Variants in CIB4 observed in about 807,000 individuals in gnomAD.
CIB4 encodes calcium and integrin binding family member 4.
In CIB4, 25 loss-of-function variants were observed where a neutral mutation model predicts 25.8. The observed-to-expected ratio is 0.97, with a 90% CI of 0.71 to 1.35. The LOEUF is 1.35. Among genes scored for constraint, CIB4 ranks in the 40% most tolerant of loss-of-function variants. The pLI is 0.00. For synonymous variants in CIB4, 75 were observed against 81.4 expected (o/e 0.92, Z 0.42); for missense variants, 235 against 228.2 (o/e 1.03, Z -0.19).
rs373631447 is a variant in CIB4, at chr2:26,620,442, G to A, written c.186+8968C>T. ...CATCCCCAGCCCCTGCAAAAGACGG[G>A]AGTTTGTTCTCTGGGGAGAGTATAG... On this transcript the variant is annotated intron_variant, in intron 3 of 6. Coordinates refer to ENST00000288861, the MANE Select transcript of CIB4 (RefSeq NM_001029881.3). Among the ~76,000 whole-genome samples, 19 of 152,356 alleles carry A rather than the reference G, an allele frequency of 1.2e-4. 1 individual carries two copies. In the South Asian group the frequency reaches 3.9e-3, roughly 32 times the overall value.
chr2:26,610,534 T>C (rs376941708), intron 3 of CIB4, among the ~76,000 whole-genome samples: 19 of 152,334 alleles, frequency 1.2e-4, no homozygotes, highest in Non-Finnish European at 2.4e-4. Context: ...CTGGGGACTT[T>C]GCCCCAATAG....
At position 26,609,957 on chromosome 2, in the gene CIB4, G is replaced by A. The variant is rs1668965889; in HGVS notation, c.187-14640C>T. On this transcript the variant is annotated intron_variant, in intron 3 of 6. Coordinates refer to ENST00000288861, the MANE Select transcript of CIB4 (RefSeq NM_001029881.3). ...TAACAGGATGAAGTCACCCACTCAAGGGCAGACCAGGCAGCGGAAGCTTAG... is the reference window on the plus strand; with the variant it reads ...TAACAGGATGAAGTCACCCACTCAAAGGCAGACCAGGCAGCGGAAGCTTAG... 2.0e-5 allele frequency among the ~76,000 whole-genome samples: 3 copies of A among 152,306 alleles called. No individual in the cohort carries two copies. In the South Asian group the frequency reaches 6.2e-4, roughly 32 times the overall value.
chr2:26,608,081 T>C (rs1223792302), intron 3 of CIB4, among the ~76,000 whole-genome samples: 2 of 152,024 alleles, frequency 1.3e-5, no homozygotes, highest in Admixed American at 6.5e-5. Flanking sequence ...TTACTAAAAA[T>C]ACAAAACTTA....
At chr2:26,628,596 C>A (rs1275956) in intron 3 of CIB4, among the ~76,000 whole-genome samples, 3 of 152,008 alleles carry the variant, frequency 2.0e-5, no homozygotes, top group African/African-American at 7.2e-5. Context: ...CCAGGCAGCG[C>A]TGGCTGAATT....
intron 4 of CIB4, among the ~76,000 whole-genome samples, chr2:26,589,418 T>C (rs1014831425): frequency 6.6e-6 from 1 of 152,024 alleles, no homozygotes; most frequent in Non-Finnish European, 1.5e-5. Context: ...GCCTGACAAG[T>C]TCAAGTGATT....
chr2:26,608,111 G>T (rs555468756), intron 3 of CIB4, among the ~76,000 whole-genome samples: 18 of 152,326 alleles, frequency 1.2e-4, no homozygotes, highest in Non-Finnish European at 2.1e-4. Flanking sequence ...GGTGGCGCAT[G>T]CCTGTAATCT....
At chr2:26,623,563 GA>G in intron 3 of CIB4, 1 of 471,450 alleles carries the variant, frequency 2.1e-6, no homozygotes, top group Non-Finnish European at 4.4e-6. Flanking sequence ...GAGATACATA[GA>G]AACCGAGATG....
intron 3 of CIB4, among the ~76,000 whole-genome samples, chr2:26,626,438 A>G (rs1669307567): frequency 6.6e-6 from 1 of 151,888 alleles, no homozygotes; most frequent in South Asian, 2.1e-4. Context: ...CCAAATCAAC[A>G]TGTATATATC....
At chr2:26,593,140 G>T (rs1668614426) in intron 4 of CIB4, among the ~76,000 whole-genome samples, 1 of 152,186 alleles carries the variant, frequency 6.6e-6, no homozygotes, top group South Asian at 2.1e-4. Flanking sequence ...CCCATCCACA[G>T]ACATTGATGC....
intron 4 of CIB4, among the ~76,000 whole-genome samples, chr2:26,586,327 C>T (rs1378195024): frequency 6.6e-6 from 1 of 152,200 alleles, no homozygotes; most frequent in African/African-American, 2.4e-5. Flanking sequence ...CGGAGGCTCC[C>T]CCTCCTCGGG....
At chr2:26,638,683 T>C (rs1669578650) in intron 2 of CIB4, among the ~76,000 whole-genome samples, 1 of 152,220 alleles carries the variant, frequency 6.6e-6, no homozygotes, top group South Asian at 2.1e-4. Context: ...CCGGGTGCAG[T>C]GGCTCACCCC....
chr2:26,590,258 T>TAAAAAAAAAAAAAAAA (rs869097756), intron 4 of CIB4, among the ~76,000 whole-genome samples: 1 of 61,830 alleles, frequency 1.6e-5, no homozygotes, highest in Admixed American at 3.1e-4. Flanking sequence ...CAAGCATCTG[T>TAAAAAAAAAAAAAAAA]AAAAAAAAAA....
At chr2:26,613,534 T>C (rs993951639) in intron 3 of CIB4, among the ~76,000 whole-genome samples, 7 of 152,166 alleles carry the variant, frequency 4.6e-5, no homozygotes, top group African/African-American at 1.7e-4. Flanking sequence ...CCCCTCCCTT[T>C]CCTGGAGTAT....
At chr2:26,624,029 T>C (rs958717709) in intron 3 of CIB4, among the ~76,000 whole-genome samples, 1 of 152,230 alleles carries the variant, frequency 6.6e-6, no homozygotes, top group Non-Finnish European at 1.5e-5. Context: ...CTGTGTCCTG[T>C]CCCCGTGCGG....
At chr2:26,626,809 T>C (rs1460214284) in intron 3 of CIB4, among the ~76,000 whole-genome samples, 1 of 151,900 alleles carries the variant, frequency 6.6e-6, no homozygotes, top group Non-Finnish European at 1.5e-5. Flanking sequence ...CCATCCCAGG[T>C]CTTCTCAAGC....
chr2:26,625,348 C>T (rs1020519286), intron 3 of CIB4, among the ~76,000 whole-genome samples: 1 of 123,758 alleles, frequency 8.1e-6, no homozygotes, highest in Non-Finnish European at 1.6e-5. Context: ...CTAAGGACAG[C>T]CTTTTTTTTT....
chr2:26,592,000 G>A (rs1041488850), intron 4 of CIB4, among the ~76,000 whole-genome samples: 1 of 152,222 alleles, frequency 6.6e-6, no homozygotes, highest in African/African-American at 2.4e-5. Flanking sequence ...AAAACCCTAA[G>A]AGGAGGACCC....
At chr2:26,603,091 T>A (rs1668823784) in intron 3 of CIB4, among the ~76,000 whole-genome samples, 1 of 152,058 alleles carries the variant, frequency 6.6e-6, no homozygotes, top group South Asian at 2.1e-4. Flanking sequence ...TCTGTGGTAT[T>A]TGCACAAATC....
At chr2:26,639,028 G>A (rs1407551377) in intron 2 of CIB4, among the ~76,000 whole-genome samples, 1 of 151,988 alleles carries the variant, frequency 6.6e-6, no homozygotes, top group South Asian at 2.1e-4. Context: ...TGTGAATGGG[G>A]TAAAAGGAGG....
Sources: gnomAD v4.1 joint callset for allele counts (sites outside exome capture counted in the v4.1 genomes callset) on GRCh38, gnomAD v4.1.1 for gene constraint, MANE v1.5 for transcripts, NCBI Gene and HGNC (gene_info 2026-07-23, HGNC 2026-07-21) for gene names.